The following SRBD1 variants were observed in gnomAD, a reference collection of about 807,000 sequenced individuals.
SRBD1 encodes the protein S1 RNA binding domain 1, also known as S1 RNA-binding domain-containing protein 1.
Under a neutral mutation model 115.3 loss-of-function variants are expected in SRBD1, and 88 were observed. The observed-to-expected ratio is 0.76, with a 90% CI of 0.64 to 0.91. SRBD1 has a LOEUF of 0.91. Among genes scored for constraint, SRBD1 ranks in the 40% least tolerant of loss-of-function variants. The pLI is 0.00. For missense variants in SRBD1, 1,385 were observed against 1,177.4 expected, an observed-to-expected ratio of 1.18 and a Z score of -2.58; for synonymous variants, 509 against 407.7, an observed-to-expected ratio of 1.25 and a Z score of -2.99.
At chr2:45,462,595 C>T (rs1669350063) in intron 16 of SRBD1, among the ~76,000 whole-genome samples, 1 of 151,032 alleles carries the variant, frequency 6.6e-6, no homozygotes, top group Non-Finnish European at 1.5e-5. Flanking sequence ...GTTAAAAGTA[C>T]ACTAAGAGGA....
intron 9 of SRBD1, among the ~76,000 whole-genome samples, chr2:45,567,767 G>T (rs983290051): frequency 6.6e-6 from 1 of 152,184 alleles, no homozygotes; most frequent in Non-Finnish European, 1.5e-5. Context: ...TTAGTAAACA[G>T]AAGTTCTTCA....
Position 45,453,630 on chromosome 2 carries a change from CTTCTAACTAGTG to C in SRBD1, c.2049+23351_2049+23362del, listed in dbSNP as rs147517663. On this transcript the variant is annotated intron_variant, in intron 16 of 20. Transcript: ENST00000263736. Reference sequence around the variant, plus strand: ...AATATTAAAACTCAAAAAAAAATAGCTTCTAACTAGTGTTCCTTTCTTATAAAAATTACAAAC... The same window carrying C: ...AATATTAAAACTCAAAAAAAAATAGCTTCCTTTCTTATAAAAATTACAAAC... Among the ~76,000 whole-genome samples, 962 of 151,924 alleles carry C rather than the reference CTTCTAACTAGTG, an allele frequency of 6.3e-3. 7 individuals are homozygous for C. The highest frequency in any genetic ancestry group is 0.011 in the Non-Finnish European group (737 of 67,824).
At chr2:45,526,266 G>A (rs1397278335) in intron 14 of SRBD1, among the ~76,000 whole-genome samples, 4 of 151,870 alleles carry the variant, frequency 2.6e-5, no homozygotes, top group African/African-American at 4.8e-5. Context: ...AATATTATTC[G>A]GCCATAAAAA....
intron 15 of SRBD1, among the ~76,000 whole-genome samples, chr2:45,479,395 G>C (rs1381576384): frequency 6.6e-6 from 1 of 152,238 alleles, no homozygotes; most frequent in Non-Finnish European, 1.5e-5. Context: ...TGCAAAGGAA[G>C]AGTTCTTGAA....
At chr2:45,444,738 C>A (rs544190164) in intron 16 of SRBD1, among the ~76,000 whole-genome samples, 1 of 152,268 alleles carries the variant, frequency 6.6e-6, no homozygotes, top group East Asian at 1.9e-4. Flanking sequence ...TCTGAATGTA[C>A]TTCTCAACTG....
rs1046292903 is a variant in SRBD1, at chr2:45,447,852, G to A, written c.2050-27958C>T. On this transcript the variant is annotated intron_variant, in intron 16 of 20. Coordinates refer to ENST00000263736, the MANE Select transcript of SRBD1 (RefSeq NM_018079.5). ...TTTATATAAGTGTACCATTCCTTGG[G>A]GCAGAGAATATTTACATCAAGTTTC... 3 of 152,008 alleles carry A rather than the reference G, an allele frequency of 2.0e-5. No individual in the cohort carries two copies. The Middle Eastern group carries it at 0.01, about 517-fold the overall frequency. The allele number at this position is 152,008 out of a possible 1,614,324, so 9.4% of individuals were successfully genotyped here. A position where few individuals can be genotyped will look rare whatever the true frequency, so the allele number is the denominator to read the frequency against.
At chr2:45,441,576 A>C (rs369594239) in intron 16 of SRBD1, among the ~76,000 whole-genome samples, 26 of 152,320 alleles carry the variant, frequency 1.7e-4, no homozygotes, top group African/African-American at 6.3e-4. Flanking sequence ...CCACTTCTTA[A>C]CACCATGCTT....
intron 16 of SRBD1, among the ~76,000 whole-genome samples, chr2:45,429,706 A>C (rs1036701338): frequency 1.3e-5 from 2 of 152,234 alleles, no homozygotes; most frequent in East Asian, 1.9e-4. Context: ...CAAAACCTGG[A>C]AACGTTCCCT....
At chr2:45,462,777 G>A (rs944092195) in intron 16 of SRBD1, among the ~76,000 whole-genome samples, 7 of 151,874 alleles carry the variant, frequency 4.6e-5, no homozygotes, top group Non-Finnish European at 1.0e-4. Context: ...AGTGAGCTGA[G>A]ATCGCGCCAC....
At chr2:45,484,111 C>G (rs1036287184) in intron 15 of SRBD1, among the ~76,000 whole-genome samples, 3 of 151,934 alleles carry the variant, frequency 2.0e-5, no homozygotes, top group African/African-American at 7.3e-5. Context: ...CTCCAAGTAG[C>G]TTTTTTTCTT....
intron 9 of SRBD1, among the ~76,000 whole-genome samples, chr2:45,569,775 G>A (rs993002354): frequency 6.6e-6 from 1 of 152,054 alleles, no homozygotes; most frequent in African/African-American, 2.4e-5. Flanking sequence ...AATTATACTG[G>A]CATCAGATTT....
chr2:45,585,436 C>A (rs1179577600), intron 5 of SRBD1, among the ~76,000 whole-genome samples, 172 bp downstream of exon 5: 1 of 152,162 alleles, frequency 6.6e-6, no homozygotes, highest in African/African-American at 2.4e-5. Context: ...TGCATAAACA[C>A]ACCAGCAGAG....
chr2:45,403,298 C>T (rs892883895), intron 19 of SRBD1, among the ~76,000 whole-genome samples: 1 of 151,222 alleles, frequency 6.6e-6, no homozygotes, highest in African/African-American at 2.4e-5. Context: ...TTTGTTTATA[C>T]AACTGCATTG....
intron 18 of SRBD1, among the ~76,000 whole-genome samples, chr2:45,413,899 T>C (rs1284066333): frequency 6.6e-6 from 1 of 151,848 alleles, no homozygotes; most frequent in Non-Finnish European, 1.5e-5. Flanking sequence ...GCCACTGCAC[T>C]CCAGTTTGGG....
intron 11 of SRBD1, among the ~76,000 whole-genome samples, chr2:45,552,487 T>G (rs1356432412): frequency 6.6e-6 from 1 of 152,166 alleles, no homozygotes; most frequent in Non-Finnish European, 1.5e-5. Context: ...GCAGTGAAGC[T>G]ACTCAAATCA....
intron 14 of SRBD1, among the ~76,000 whole-genome samples, chr2:45,509,073 C>G (rs1670882752): frequency 6.6e-6 from 1 of 152,108 alleles, no homozygotes; most frequent in Admixed American, 6.5e-5. Context: ...TTTTCTTTCA[C>G]TAAAGTACTT....
At chr2:45,451,453 CTGA>C (rs1668990468) in intron 16 of SRBD1, among the ~76,000 whole-genome samples, 3 of 151,918 alleles carry the variant, frequency 2.0e-5, no homozygotes. Flanking sequence ...ATACAATAAA[CTGA>C]TATTAAATGA....
intron 10 of SRBD1, among the ~76,000 whole-genome samples, chr2:45,560,523 C>A (rs2104096013): frequency 6.6e-6 from 1 of 152,264 alleles, no homozygotes; most frequent in African/African-American, 2.4e-5. Context: ...ATTTAATTCT[C>A]TCAAATCTAC....
intron 16 of SRBD1, among the ~76,000 whole-genome samples, chr2:45,438,798 A>T (rs2103700514): frequency 6.6e-6 from 1 of 152,254 alleles, no homozygotes; most frequent in East Asian, 1.9e-4. Context: ...AAGAGAGAAT[A>T]GGGCAGATAA....
Sources: allele counts gnomAD v4.1 joint callset (sites outside exome capture counted in the v4.1 genomes callset), GRCh38; gene constraint gnomAD v4.1.1; transcripts MANE v1.5; gene names NCBI Gene and HGNC (gene_info 2026-07-23, HGNC 2026-07-21).